Variants in VSTM4 observed in about 807,000 individuals in gnomAD.
VSTM4 encodes V-set and transmembrane domain containing 4.
VSTM4 carries 20 observed loss-of-function variants against 36.4 expected under a neutral mutation model. The ratio of observed to expected loss-of-function variants is 0.55; its 90% confidence interval spans 0.39 to 0.80. The LOEUF is 0.80. Ranked by LOEUF, VSTM4 falls within the 30% of genes least tolerant of loss-of-function variation. VSTM4 has a pLI of 0.00. For synonymous variants in VSTM4, 182 were observed against 173.9 expected (o/e 1.05, Z -0.37); for missense variants, 392 against 404.5 (o/e 0.97, Z 0.26).
At chr10:49,100,681 G>T (rs2132017897) in intron 2 of VSTM4, among the ~76,000 whole-genome samples, 1 of 152,034 alleles carries the variant, frequency 6.6e-6, no homozygotes, top group Admixed American at 6.5e-5. Context: ...CCATAACAAA[G>T]TAACCTAAGA....
At chr10:49,093,973 T>G (rs1173239753) in intron 2 of VSTM4, among the ~76,000 whole-genome samples, 2 of 152,108 alleles carry the variant, frequency 1.3e-5, no homozygotes. Flanking sequence ...AGTCTTGATC[T>G]CCTGACCTCG....
intron 1 of VSTM4, among the ~76,000 whole-genome samples, chr10:49,111,647 G>A (rs960848128): frequency 6.6e-6 from 1 of 152,172 alleles, no homozygotes; most frequent in Non-Finnish European, 1.5e-5. Context: ...GGAGGGAGAC[G>A]CATCGTCCCC....
chr10:49,088,449 G>C (rs1191822427), intron 2 of VSTM4, among the ~76,000 whole-genome samples: 1 of 152,188 alleles, frequency 6.6e-6, no homozygotes, highest in African/African-American at 2.4e-5. Context: ...CATAGCCCCT[G>C]TAATCTACTG....
chr10:49,105,857 A>ATC (rs1328387624), intron 2 of VSTM4, among the ~76,000 whole-genome samples: 1 of 149,804 alleles, frequency 6.7e-6, no homozygotes, highest in African/African-American at 2.4e-5. Flanking sequence ...ATATATATAT[A>ATC]TCTTGTGTGT....
chr10:49,095,466 A>C (rs1844553231), intron 2 of VSTM4, among the ~76,000 whole-genome samples: 1 of 152,148 alleles, frequency 6.6e-6, no homozygotes, highest in Non-Finnish European at 1.5e-5. Flanking sequence ...CCATCTTTCC[A>C]ACCATTCCTC....
At chr10:49,075,087 G>A (rs1167124742) in intron 4 of VSTM4, among the ~76,000 whole-genome samples, 1 of 152,238 alleles carries the variant, frequency 6.6e-6, no homozygotes, top group African/African-American at 2.4e-5. Context: ...TTCAGGCACT[G>A]TGCACAGGTG....
intron 2 of VSTM4, among the ~76,000 whole-genome samples, chr10:49,099,624 C>T (rs1173140844): frequency 6.6e-6 from 1 of 152,210 alleles, no homozygotes; most frequent in Non-Finnish European, 1.5e-5. Flanking sequence ...AATCCATTTT[C>T]TCTCTAAGCA....
chr10:49,019,619 A>G lies in VSTM4; in HGVS notation c.*31T>C. Reference sequence around the variant, plus strand: ...CTTCATAAATCACTGGGTGGCAGGTATTAAATAGAACCTTGGAGGTGGACG... The same window carrying G: ...CTTCATAAATCACTGGGTGGCAGGTGTTAAATAGAACCTTGGAGGTGGACG... On this transcript the variant is annotated 3_prime_UTR_variant, in exon 8 of 8. Coordinates refer to ENST00000332853, the MANE Select transcript of VSTM4 (RefSeq NM_001031746.5). 2 of 1,577,072 alleles carry G rather than the reference A, an allele frequency of 1.3e-6. No homozygotes were observed. The highest frequency in any genetic ancestry group is 1.7e-6 in the Non-Finnish European group (2 of 1,159,446).
chr10:49,114,361 A>G (rs1844950375), intron 1 of VSTM4, among the ~76,000 whole-genome samples: 1 of 152,198 alleles, frequency 6.6e-6, no homozygotes, highest in South Asian at 2.1e-4. Flanking sequence ...ATGACTTCTG[A>G]GCATCAGTTT....
intron 2 of VSTM4, chr10:49,102,518 C>T (rs1025262212): frequency 1.0e-6 from 1 of 985,436 alleles, no homozygotes; most frequent in Non-Finnish European, 1.2e-6. Flanking sequence ...AATGTTGTGT[C>T]TACAGTGCTA....
chr10:49,021,591 C>A (rs1843182848), intron 7 of VSTM4, among the ~76,000 whole-genome samples: 1 of 152,004 alleles, frequency 6.6e-6, no homozygotes, highest in Admixed American at 6.6e-5. Context: ...AAAATGCAAG[C>A]ATCTCGGACA....
chr10:49,087,433 C>T (rs900386940), intron 2 of VSTM4, among the ~76,000 whole-genome samples: 44 of 152,084 alleles, frequency 2.9e-4, no homozygotes, highest in African/African-American at 1.0e-3. Context: ...TAATTGAATG[C>T]CAGACATTGT....
intron 5 of VSTM4, among the ~76,000 whole-genome samples, chr10:49,060,560 CATT>C (rs1301092664): frequency 1.3e-5 from 2 of 152,266 alleles, no homozygotes; most frequent in African/African-American, 4.8e-5. Context: ...TCTGTCACCT[CATT>C]ATTGAGTTGT....
intron 5 of VSTM4, among the ~76,000 whole-genome samples, chr10:49,051,805 T>A (rs1479315328): frequency 6.6e-6 from 1 of 152,258 alleles, no homozygotes; most frequent in Admixed American, 6.5e-5. Context: ...TTTTTAGCAA[T>A]TATGAAAAAA....
chr10:49,050,611 A>T (rs1373980208), intron 5 of VSTM4, among the ~76,000 whole-genome samples: 1 of 152,234 alleles, frequency 6.6e-6, no homozygotes, highest in Non-Finnish European at 1.5e-5. Context: ...AATAGCCAAA[A>T]AGAATGTGAA....
At chr10:49,088,468 A>C (rs1482279004) in intron 2 of VSTM4, among the ~76,000 whole-genome samples, 3 of 152,336 alleles carry the variant, frequency 2.0e-5, no homozygotes, top group Non-Finnish European at 2.9e-5. Flanking sequence ...TGACTGCCAG[A>C]TTCCCCCTTC....
At chr10:49,028,588 T>C (rs529965897) in intron 7 of VSTM4, among the ~76,000 whole-genome samples, 44 of 152,352 alleles carry the variant, frequency 2.9e-4, no homozygotes, top group Middle Eastern at 3.4e-3. Context: ...AATGGATAGT[T>C]TCTGAGTATA....
At position 49,017,065 on chromosome 10, in the gene VSTM4, T is replaced by C. The variant is rs562824662; in HGVS notation, c.*2585A>G. The C allele has an allele frequency of 1.1e-4, 17 of 152,358 alleles. No homozygotes were observed. Among genetic ancestry groups the C allele is most frequent in the African/African-American group, 4.1e-4 (17 of 41,564 alleles). 9.4% of individuals were successfully genotyped at this position (152,358 alleles called of 1,614,324 possible). The stretch of plus-strand genomic sequence containing the variant: ...ATATGTAGTTTCTGCCATTGATGCC[T>C]TATAGTGAAAACAAATTGACAAACT... On this transcript the variant is annotated 3_prime_UTR_variant, in exon 8 of 8. Coordinates refer to ENST00000332853, the MANE Select transcript of VSTM4 (RefSeq NM_001031746.5).
rs114843003 is a variant in VSTM4 at position 49,019,431 on chromosome 10, C to T, written c.*219G>A. 1,886 of 444,718 alleles carry T rather than the reference C, an allele frequency of 4.2e-3. 31 individuals carry two copies. The highest frequency in any genetic ancestry group is 0.035 in the African/African-American group (1,714 of 49,474). The allele number at this position is 444,718 out of a possible 1,614,324, so 27.5% of individuals were successfully genotyped here. A position where few individuals can be genotyped will look rare whatever the true frequency, so the allele number is the denominator to read the frequency against. On this transcript the variant is annotated 3_prime_UTR_variant, in exon 8 of 8. Coordinates refer to ENST00000332853, the MANE Select transcript of VSTM4 (RefSeq NM_001031746.5). The stretch of plus-strand genomic sequence containing the variant: ...CTTACGCTCAGGGCTCAAACCCAGG[C>T]GCATCTTGTCCCGGGAGATCTGTCA...
Sources: gnomAD v4.1 joint callset for allele counts (sites outside exome capture counted in the v4.1 genomes callset) on GRCh38, gnomAD v4.1.1 for gene constraint, MANE v1.5 for transcripts, NCBI Gene and HGNC (gene_info 2026-07-23, HGNC 2026-07-21) for gene names.